Variants in TMEM117 observed in about 807,000 individuals in gnomAD.
TMEM117 encodes transmembrane protein 117.
TMEM117 carries 27 observed loss-of-function variants against 52.4 expected under a neutral mutation model. That is an observed-to-expected ratio of 0.51 (90% CI 0.38 to 0.71). The LOEUF is 0.71. TMEM117 is among the 30% of genes least tolerant of loss of function. TMEM117 has a pLI of 0.00. For missense variants in TMEM117, 556 were observed against 630.5 expected, an observed-to-expected ratio of 0.88 and a Z score of 1.26; for synonymous variants, 215 against 206.3, an observed-to-expected ratio of 1.04 and a Z score of -0.36.
intron 4 of TMEM117, among the ~76,000 whole-genome samples, chr12:44,183,400 A>G (rs1949232465): frequency 6.6e-6 from 1 of 152,332 alleles, no homozygotes; most frequent in Non-Finnish European, 1.5e-5. Context: ...AGGTGACATG[A>G]AGCTGGGTGT....
intron 7 of TMEM117, among the ~76,000 whole-genome samples, chr12:44,386,630 A>G (rs564613195): frequency 6.6e-6 from 1 of 152,046 alleles, no homozygotes; most frequent in Non-Finnish European, 1.5e-5. Context: ...CTGGGCCCCT[A>G]TTATGTACCA....
intron 6 of TMEM117, among the ~76,000 whole-genome samples, chr12:44,305,994 A>G (rs927679014): frequency 3.9e-5 from 6 of 152,206 alleles, no homozygotes; most frequent in Non-Finnish European, 8.8e-5. Flanking sequence ...TCATCTGGAG[A>G]CCATCATCCT....
At chr12:44,301,074 A>G (rs938650838) in intron 6 of TMEM117, among the ~76,000 whole-genome samples, 4 of 152,216 alleles carry the variant, frequency 2.6e-5, no homozygotes, top group Non-Finnish European at 4.4e-5. Flanking sequence ...CTCTGAACCC[A>G]TCTTAAAGTC....
At chr12:44,146,458 A>G (rs1948643408) in intron 4 of TMEM117, among the ~76,000 whole-genome samples, 2 of 152,194 alleles carry the variant, frequency 1.3e-5, no homozygotes, top group South Asian at 4.1e-4. Context: ...TGTAAGCTGG[A>G]AGAGAATCCA....
At chr12:44,154,160 T>G (rs1269218045) in intron 4 of TMEM117, among the ~76,000 whole-genome samples, 4 of 152,086 alleles carry the variant, frequency 2.6e-5, no homozygotes, top group African/African-American at 9.7e-5. Flanking sequence ...GAACATGATA[T>G]TGCATAAGGA....
In TMEM117 at chr12:44,389,017, A is replaced by G. The variant is rs912689732; in HGVS notation, c.*345A>G. 4.6e-6 allele frequency: 1 copy of G among 215,344 alleles called. No homozygotes were observed. Among genetic ancestry groups the G allele is most frequent in the Admixed American group, 5.2e-5 (1 of 19,416 alleles). The allele number at this position is 215,344 out of a possible 1,614,324, so 13.3% of individuals were successfully genotyped here. A position where few individuals can be genotyped will look rare whatever the true frequency, so the allele number is the denominator to read the frequency against. On this transcript the variant is annotated 3_prime_UTR_variant, in exon 8 of 8. Transcript: ENST00000266534. ...TAAACTGTTTTTAACTGTACCAGAAATGAAGTGTGGAACAGTTACCTAACC... is the reference window on the plus strand; with the variant it reads ...TAAACTGTTTTTAACTGTACCAGAAGTGAAGTGTGGAACAGTTACCTAACC...
chr12:44,059,975 A>C (rs1307788363), intron 3 of TMEM117, among the ~76,000 whole-genome samples: 2 of 152,236 alleles, frequency 1.3e-5, no homozygotes, highest in African/African-American at 4.8e-5. Context: ...GCTATAACGA[A>C]GTTTAGGTAC....
chr12:43,872,315 C>T (rs1943720066), intron 2 of TMEM117, among the ~76,000 whole-genome samples: 2 of 151,952 alleles, frequency 1.3e-5, no homozygotes, highest in African/African-American at 4.8e-5. Flanking sequence ...ACAATATTGG[C>T]ACAGACCATC....
chr12:43,871,139 G>C (rs1329640112), intron 2 of TMEM117, among the ~76,000 whole-genome samples: 2 of 149,518 alleles, frequency 1.3e-5, no homozygotes. Flanking sequence ...GTCTTGCTCT[G>C]TCGCCCAGGC....
chr12:44,256,229 A>G (rs187163576), intron 5 of TMEM117, among the ~76,000 whole-genome samples: 31 of 152,004 alleles, frequency 2.0e-4, no homozygotes, highest in African/African-American at 7.5e-4. Context: ...AAAATTTTAT[A>G]TTTACACATA....
At chr12:44,167,917 C>T (rs1948991148) in intron 4 of TMEM117, among the ~76,000 whole-genome samples, 1 of 152,056 alleles carries the variant, frequency 6.6e-6, no homozygotes, top group South Asian at 2.1e-4. Flanking sequence ...CCATATAGTT[C>T]TGTTACTTCC....
At chr12:44,268,020 G>A (rs749470364) in intron 5 of TMEM117, among the ~76,000 whole-genome samples, 36 of 152,132 alleles carry the variant, frequency 2.4e-4, no homozygotes, top group Non-Finnish European at 5.0e-4. Context: ...GTACCCAGTA[G>A]TGGGATTCCT....
intron 3 of TMEM117, among the ~76,000 whole-genome samples, chr12:44,028,972 G>A (rs987541429): frequency 2.0e-5 from 3 of 152,096 alleles, no homozygotes; most frequent in African/African-American, 7.2e-5. Flanking sequence ...ACTTCTTTCT[G>A]GAGAACCCTG....
chr12:44,124,708 T>C (rs1397236214), intron 3 of TMEM117, among the ~76,000 whole-genome samples: 5 of 152,246 alleles, frequency 3.3e-5, no homozygotes, highest in African/African-American at 1.2e-4. Flanking sequence ...ATCACATTTA[T>C]TGATTTGCAT....
At chr12:44,372,066 AT>A (rs1951871630) in intron 6 of TMEM117, among the ~76,000 whole-genome samples, 2 of 152,326 alleles carry the variant, frequency 1.3e-5, no homozygotes, top group Non-Finnish European at 2.9e-5. Flanking sequence ...GAGTAGCGTA[AT>A]ACCTTGTGCC....
At chr12:44,035,397 T>C (rs1639478678) in intron 3 of TMEM117, among the ~76,000 whole-genome samples, 2 of 152,248 alleles carry the variant, frequency 1.3e-5, no homozygotes, top group South Asian at 2.1e-4. Context: ...GTATGCGCAA[T>C]GCTGGACATT....
At chr12:43,857,434 A>G (rs1189718012) in intron 2 of TMEM117, among the ~76,000 whole-genome samples, 3 of 151,836 alleles carry the variant, frequency 2.0e-5, no homozygotes, top group Non-Finnish European at 4.4e-5. Context: ...ATGGGAGGTA[A>G]TGCTAGAAGT....
chr12:44,302,462 T>C (rs1314033778), intron 6 of TMEM117, among the ~76,000 whole-genome samples: 1 of 152,268 alleles, frequency 6.6e-6, no homozygotes. Flanking sequence ...TTTTCTGTTC[T>C]GCTCATTTGG....
intron 6 of TMEM117, among the ~76,000 whole-genome samples, chr12:44,371,084 G>T (rs573395750): frequency 6.6e-6 from 1 of 152,076 alleles, no homozygotes; most frequent in Non-Finnish European, 1.5e-5. Context: ...AGGCACTCAG[G>T]TTTCTTAATA....
Sources: allele counts gnomAD v4.1 joint callset (sites outside exome capture counted in the v4.1 genomes callset), GRCh38; gene constraint gnomAD v4.1.1; transcripts MANE v1.5; gene names NCBI Gene and HGNC (gene_info 2026-07-23, HGNC 2026-07-21).